The following CHD7 variants were observed in gnomAD, a reference collection of about 807,000 sequenced individuals.
CHD7 encodes chromodomain helicase DNA binding protein 7, also known as ATP-dependent chromatin remodeler CHD7.
A neutral mutation model predicts 307.3 loss-of-function variants in CHD7; 24 were observed. The observed-to-expected ratio is 0.08, with a 90% confidence interval of 0.06 to 0.11. CHD7 has a LOEUF of 0.11. Among genes scored for constraint, CHD7 ranks in the 10% least tolerant of loss-of-function variants. The pLI is 1.00. For synonymous variants in CHD7, 1,363 were observed against 1,349.9 expected (o/e 1.01, Z -0.21); for missense variants, 3,106 against 3,727.1 (o/e 0.83, Z 4.34).
chr8:60,744,027 G>C (rs971766434), intron 2 of CHD7, among the ~76,000 whole-genome samples: 2 of 152,190 alleles, frequency 1.3e-5, no homozygotes, highest in African/African-American at 4.8e-5. Flanking sequence ...AAATACAGAG[G>C]AGTGAGAGAC....
chr8:60,803,607 T>A (rs1425378159), intron 6 of CHD7, among the ~76,000 whole-genome samples: 1 of 152,174 alleles, frequency 6.6e-6, no homozygotes, highest in Admixed American at 6.5e-5. Flanking sequence ...AAGGGAGATA[T>A]GCTTTGAGGT....
chr8:60,721,643 A>G (rs935820493), intron 1 of CHD7, among the ~76,000 whole-genome samples: 2 of 152,204 alleles, frequency 1.3e-5, no homozygotes, highest in Non-Finnish European at 2.9e-5. Flanking sequence ...CAGATTTAGG[A>G]TTGACATGAG....
chr8:60,832,171 G>A (rs1034645472), intron 15 of CHD7, among the ~76,000 whole-genome samples: 1 of 152,012 alleles, frequency 6.6e-6, no homozygotes, highest in South Asian at 2.1e-4. Context: ...ACAGGCATGC[G>A]CCACAACGCC....
Position 60,742,592 on chromosome 8 carries a change from A to G in CHD7, c.1160A>G (p.Gln387Arg), listed in dbSNP as rs753477347. 6.2e-7 allele frequency: 1 copy of G among 1,613,876 alleles called. No individual in the cohort carries two copies. Among genetic ancestry groups the G allele is most frequent in the Non-Finnish European group, 8.5e-7 (1 of 1,179,780 alleles). ...CAAACTATGCATCCTTCACAGCCTC[A>G]GGGAACTTATGCCTCTCCACCTCCC... is the stretch of plus-strand genomic sequence containing the variant. ...NTQTMHPSQP[Q>R]GTYASPPPMS... is the part of the protein sequence containing the mutation. The change falls in exon 2 of 38, where the codon CAG (glutamine) becomes CGG (arginine). Residue 387 changes from glutamine (Q) to arginine (R), a missense_variant. Coordinates refer to ENST00000423902, the MANE Select transcript of CHD7 (RefSeq NM_017780.4).
intron 1 of CHD7, among the ~76,000 whole-genome samples, chr8:60,710,950 G>A (rs1179128498): frequency 2.0e-5 from 3 of 152,236 alleles, no homozygotes; most frequent in Non-Finnish European, 4.4e-5. Flanking sequence ...CGATGAAAGA[G>A]GGTAATAAAA....
intron 2 of CHD7, among the ~76,000 whole-genome samples, chr8:60,755,492 A>G (rs1268879183): frequency 1.3e-5 from 2 of 152,086 alleles, no homozygotes; most frequent in Non-Finnish European, 2.9e-5. Context: ...TTTGTTTATT[A>G]TCTTCCAACT....
chr8:60,743,804 A>C (rs1809183166), intron 2 of CHD7, among the ~76,000 whole-genome samples: 1 of 152,172 alleles, frequency 6.6e-6, no homozygotes, highest in East Asian at 1.9e-4. Context: ...TTCCATTATA[A>C]ATTTTGTTGT....
chr8:60,830,618 G>A, intron 15 of CHD7, 41 bp downstream of exon 15: 1 of 1,598,174 alleles, frequency 6.3e-7, no homozygotes, highest in Non-Finnish European at 8.5e-7. Flanking sequence ...AGTGACGATT[G>A]AAGCACCAGA....
intron 3 of CHD7, among the ~76,000 whole-genome samples, chr8:60,788,315 A>AT (rs1402574412): frequency 2.0e-5 from 3 of 150,140 alleles, no homozygotes; most frequent in Admixed American, 6.6e-5. Context: ...ACTTTTTTGT[A>AT]TTTTTTATAG....
At chr8:60,857,470 C>G (rs1010325114) in intron 34 of CHD7, among the ~76,000 whole-genome samples, 1 of 152,214 alleles carries the variant, frequency 6.6e-6, no homozygotes, top group East Asian at 1.9e-4. Flanking sequence ...TCTTAATCTG[C>G]TTCAACTACA....
chr8:60,681,449 G>T (rs1239152779), intron 1 of CHD7, among the ~76,000 whole-genome samples: 1 of 152,184 alleles, frequency 6.6e-6, no homozygotes, highest in Non-Finnish European at 1.5e-5. Flanking sequence ...GATGCTTGGG[G>T]CATGGAGTAG....
At chr8:60,835,750 T>C (rs1173405734) in intron 15 of CHD7, among the ~76,000 whole-genome samples, 1 of 152,250 alleles carries the variant, frequency 6.6e-6, no homozygotes, top group African/African-American at 2.4e-5. Context: ...TGTAGGTATC[T>C]GGCCCTTGGC....
intron 15 of CHD7, among the ~76,000 whole-genome samples, chr8:60,832,992 G>A (rs1354419381): frequency 6.6e-6 from 1 of 152,194 alleles, no homozygotes; most frequent in Non-Finnish European, 1.5e-5. Flanking sequence ...TAGTGAAAAA[G>A]TGTAGATAAC....
chr8:60,866,012 A>T lies in CHD7; in HGVS notation c.*79A>T, dbSNP rs2129774737. The stretch of plus-strand genomic sequence containing the variant: ...CTGTTTACACTCACAGTTAATGTTC[A>T]TACCTAGTTTTATAAGCTGTTCTGT... On this transcript the variant is annotated 3_prime_UTR_variant, in exon 38 of 38. Coordinates refer to ENST00000423902, the MANE Select transcript of CHD7 (RefSeq NM_017780.4). 2 of 1,294,336 alleles carry T rather than the reference A, an allele frequency of 1.5e-6. No individual in the cohort carries two copies. The highest frequency in any genetic ancestry group is 2.1e-5 in the Admixed American group (1 of 48,452). The allele number at this position is 1,294,336 out of a possible 1,614,324, so 80.2% of individuals were successfully genotyped here. A position where few individuals can be genotyped will look rare whatever the true frequency, so the allele number is the denominator to read the frequency against.
At chr8:60,721,303 G>A (rs1195797525) in intron 1 of CHD7, among the ~76,000 whole-genome samples, 1 of 152,196 alleles carries the variant, frequency 6.6e-6, no homozygotes, top group Non-Finnish European at 1.5e-5. Flanking sequence ...AAAAGAGAGA[G>A]CTGGCTCTCC....
At chr8:60,810,380 A>AGAGTGTGTGTGTGT (rs534826288) in intron 7 of CHD7, among the ~76,000 whole-genome samples, 3 of 145,980 alleles carry the variant, frequency 2.1e-5, no homozygotes, top group Non-Finnish European at 4.5e-5. Context: ...AGAGAGAGAG[A>AGAGTGTGTGTGTGT]GTGTGTGTGT....
Position 60,865,938 on chromosome 8 carries a change from T to A in CHD7, c.*5T>A. ...AACAATGAAAATGATGAATAACCAG[T>A]ACCAGTTCCAGTTCAAGTGTTTAAA... On this transcript the variant is annotated 3_prime_UTR_variant, in exon 38 of 38. Coordinates refer to ENST00000423902, the MANE Select transcript of CHD7 (RefSeq NM_017780.4). This position sits in a 1 kb window ranked among gnomAD's most constrained non-coding sequence, Gnocchi z 4.3. 1 of 1,590,574 alleles carries A rather than the reference T, an allele frequency of 6.3e-7. No individual in the cohort carries two copies. Among genetic ancestry groups the A allele is most frequent in the South Asian group, 1.1e-5 (1 of 87,324 alleles).
chr8:60,836,767 T>A, intron 16 of CHD7, 50 bp from the exon 17 acceptor site: 1 of 1,321,836 alleles, frequency 7.6e-7, no homozygotes, highest in Non-Finnish European at 1.1e-6. Flanking sequence ...AAGGAGCAAG[T>A]ATGTTGTCGC....
intron 10 of CHD7, 46 bp downstream of exon 10, chr8:60,821,973 G>A: frequency 6.2e-7 from 1 of 1,613,440 alleles, no homozygotes; most frequent in East Asian, 2.2e-5. Context: ...AAATAGCATA[G>A]TGGTGTGGTC....
Sources: gnomAD v4.1 joint callset for allele counts (sites outside exome capture counted in the v4.1 genomes callset) on GRCh38, gnomAD v4.1.1 for gene constraint, Gnocchi (gnomAD v3.1) non-coding constraint, MANE v1.5 for transcripts, NCBI Gene and HGNC (gene_info 2026-07-23, HGNC 2026-07-21) for gene names.